The following ZNF83 variants were observed in gnomAD, a reference collection of about 807,000 sequenced individuals.
The protein encoded by ZNF83 is zinc finger protein 816B.
For synonymous variants in ZNF83, 209 were observed against 213.0 expected, an observed-to-expected ratio of 0.98 and a Z score of 0.17; for missense variants, 552 against 629.9, an observed-to-expected ratio of 0.88 and a Z score of 1.32.
chr19:52,619,656 A>C (rs367817216), intron 2 of ZNF83, among the ~76,000 whole-genome samples: 1 of 151,706 alleles, frequency 6.6e-6, no homozygotes, highest in Non-Finnish European at 1.5e-5. Context: ...AGAAACTTTT[A>C]TTGACACACC....
chr19:52,618,723 C>G (rs573446664), intron 2 of ZNF83: 84 of 946,566 alleles, frequency 8.9e-5, no homozygotes, highest in South Asian at 4.3e-4. Flanking sequence ...GCCTTCTTTA[C>G]TTCTGGAACC....
chr19:52,646,440 T>C (rs2061373339), intron 3 of ZNF83, among the ~76,000 whole-genome samples: 1 of 152,110 alleles, frequency 6.6e-6, no homozygotes, highest in Non-Finnish European at 1.5e-5. Context: ...TCCTAGCTAC[T>C]CGGGAGGCCA....
intron 3 of ZNF83, chr19:52,652,054 C>A: frequency 4.2e-6 from 1 of 237,322 alleles, no homozygotes; most frequent in South Asian, 6.3e-5. Flanking sequence ...GGAGTGACCT[C>A]AGACTAAAGA....
intron 2 of ZNF83, among the ~76,000 whole-genome samples, chr19:52,660,020 T>A (rs1415263160): frequency 1.3e-5 from 2 of 151,808 alleles, no homozygotes; most frequent in African/African-American, 4.8e-5. Flanking sequence ...GTGAAACCCA[T>A]CTCTACTAAA....
upstream of ZNF83, among the ~76,000 whole-genome samples, chr19:52,639,832 A>T (rs1437380835): frequency 6.6e-6 from 1 of 152,228 alleles, no homozygotes; most frequent in Non-Finnish European, 1.5e-5. Flanking sequence ...AAAGAAATAA[A>T]AACCACATTA....
At chr19:52,631,566 CTG>C in intron 2 of ZNF83, among the ~76,000 whole-genome samples, 1 of 152,204 alleles carries the variant, frequency 6.6e-6, no homozygotes, top group Non-Finnish European at 1.5e-5. Flanking sequence ...GCTCCTTCAG[CTG>C]CACTCACTCT....
chr19:52,674,015 CAAAAAAAAAAA>C (rs67570337), intron 1 of ZNF83, among the ~76,000 whole-genome samples: 1,001 of 73,072 alleles, frequency 0.014, 30 homozygotes, highest in African/African-American at 0.049. Context: ...GACTCCATCT[CAAAAAAAAAAA>C]AAAAAAAAAA....
chr19:52,631,646 A>G (rs1020690901), intron 2 of ZNF83, among the ~76,000 whole-genome samples: 103 of 152,262 alleles, frequency 6.8e-4, no homozygotes, highest in African/African-American at 2.0e-3. Flanking sequence ...ATTATTCTGG[A>G]TACCACACCT....
intron 2 of ZNF83, among the ~76,000 whole-genome samples, chr19:52,660,153 T>C (rs1281463604): frequency 6.6e-6 from 1 of 151,956 alleles, no homozygotes; most frequent in Non-Finnish European, 1.5e-5. Context: ...AAGACCACAG[T>C]AGTAAGCTTT....
At chr19:52,677,959 T>A (rs1037900362) in intron 1 of ZNF83, among the ~76,000 whole-genome samples, 1 of 151,598 alleles carries the variant, frequency 6.6e-6, no homozygotes, top group Admixed American at 6.6e-5. Context: ...TGCTTGAACC[T>A]GGGAGTCGGA....
At chr19:52,614,042 T>C (rs1293410077) in exon 3 of ZNF83, 1 of 1,613,352 alleles carries the variant, frequency 6.2e-7, no homozygotes, top group Non-Finnish European at 8.5e-7. Flanking sequence ...TTATATGGTT[T>C]CTCTCCAGTA....
intron 2 of ZNF83, among the ~76,000 whole-genome samples, chr19:52,659,610 A>G (rs2061551699): frequency 6.8e-6 from 1 of 147,154 alleles, no homozygotes. Context: ...CAAGACTCCA[A>G]CTCAAAAAAA....
intron 3 of ZNF83, among the ~76,000 whole-genome samples, chr19:52,649,044 G>A (rs185339500): frequency 3.0e-3 from 459 of 152,052 alleles, no homozygotes; most frequent in Non-Finnish European, 4.0e-3. Context: ...CCCTTCTCCC[G>A]CCGGGTCCCC....
intron 2 of ZNF83, among the ~76,000 whole-genome samples, chr19:52,616,227 C>A (rs2060299772): frequency 1.3e-5 from 2 of 152,164 alleles, no homozygotes; most frequent in African/African-American, 4.8e-5. Context: ...CCAAAAGAAA[C>A]TTGGAGTAAA....
intron 2 of ZNF83, among the ~76,000 whole-genome samples, chr19:52,616,199 T>C (rs1448553087): frequency 6.6e-6 from 1 of 152,196 alleles, no homozygotes; most frequent in Non-Finnish European, 1.5e-5. Context: ...TTCCTAGCCG[T>C]CTACCAACAC....
chr19:52,665,758 G>A (rs879727236), intron 1 of ZNF83, among the ~76,000 whole-genome samples: 1 of 152,166 alleles, frequency 6.6e-6, no homozygotes. Context: ...ATAGGGGAAT[G>A]ACACAGCAGC....
upstream of ZNF83, among the ~76,000 whole-genome samples, chr19:52,640,729 T>C (rs329956): frequency 0.8 from 121,648 of 152,002 alleles, 49,390 homozygotes; most frequent in African/African-American, 0.95. Flanking sequence ...GAGGGGGGAG[T>C]TCGCCCCGAC....
chr19:52,651,021 T>C (rs988651675), intron 3 of ZNF83: 4 of 152,172 alleles, frequency 2.6e-5, no homozygotes, highest in African/African-American at 7.2e-5. Flanking sequence ...AACCTCTAAT[T>C]GAGAGCCTTA....
intron 1 of ZNF83, among the ~76,000 whole-genome samples, chr19:52,672,574 A>G (rs1441870605): frequency 6.6e-6 from 1 of 152,172 alleles, no homozygotes; most frequent in South Asian, 2.1e-4. Context: ...ATAGCACCTC[A>G]TCTTTATGTT....
Sources: gnomAD v4.1 joint callset for allele counts (sites outside exome capture counted in the v4.1 genomes callset) on GRCh38, gnomAD v4.1.1 for gene constraint, MANE v1.5 for transcripts, NCBI Gene and HGNC (gene_info 2026-07-23, HGNC 2026-07-21) for gene names.